The following TNNI3K variants were observed in gnomAD, a reference collection of about 807,000 sequenced individuals.
TNNI3K encodes TNNI3 interacting kinase.
Under a neutral mutation model 114.5 loss-of-function variants are expected in TNNI3K, and 140 were observed. The ratio of observed to expected loss-of-function variants is 1.22; its 90% CI spans 1.07 to 1.41. The LOEUF is 1.41. TNNI3K is among the 40% of genes most tolerant of loss of function. TNNI3K has a pLI of 0.00. For synonymous variants in TNNI3K, 347 were observed against 347.5 expected (o/e 1.00, Z 0.02); for missense variants, 1,125 against 1,007.6 (o/e 1.12, Z -1.58).
intron 6 of TNNI3K, among the ~76,000 whole-genome samples, chr1:74,333,582 C>T (rs769442909): frequency 3.9e-4 from 60 of 152,140 alleles, no homozygotes; most frequent in Non-Finnish European, 7.2e-4. Context: ...ATGTGGATGG[C>T]CTTTTTATGA....
chr1:74,540,190 A>G (rs1646709298), intron 23 of TNNI3K, 44 bp from the exon 24 acceptor site: 1 of 1,593,026 alleles, frequency 6.3e-7, no homozygotes, highest in African/African-American at 1.4e-5. Flanking sequence ...AAATGTTATT[A>G]TCAGATCACC....
At chr1:74,516,279 T>A (rs1199174876) in intron 23 of TNNI3K, among the ~76,000 whole-genome samples, 2 of 152,220 alleles carry the variant, frequency 1.3e-5, no homozygotes, top group African/African-American at 4.8e-5. Flanking sequence ...GTTTGTTCAC[T>A]CATCTGCTCA....
intron 23 of TNNI3K, among the ~76,000 whole-genome samples, chr1:74,511,819 G>T (rs549989473): frequency 6.6e-6 from 1 of 152,136 alleles, no homozygotes; most frequent in Admixed American, 6.5e-5. Context: ...GAGAAAGGAA[G>T]AAAGAGTGTA....
At chr1:74,320,260 C>T (rs538530385) in intron 5 of TNNI3K, among the ~76,000 whole-genome samples, 1 of 152,062 alleles carries the variant, frequency 6.6e-6, no homozygotes. Flanking sequence ...GATGTGTGTT[C>T]TTCATTTTGA....
chr1:74,411,423 T>C (rs114788567), intron 17 of TNNI3K, among the ~76,000 whole-genome samples: 1 of 152,212 alleles, frequency 6.6e-6, no homozygotes, highest in Non-Finnish European at 1.5e-5. Flanking sequence ...CAATTAGAAA[T>C]TTTTATATAC....
At chr1:74,323,969 G>A (rs1339088389) in intron 5 of TNNI3K, among the ~76,000 whole-genome samples, 1 of 152,118 alleles carries the variant, frequency 6.6e-6, no homozygotes, top group Admixed American at 6.5e-5. Flanking sequence ...GTGGTGTCAA[G>A]CAATCTAAGG....
chr1:74,517,285 A>C (rs1646363688), intron 23 of TNNI3K, among the ~76,000 whole-genome samples: 1 of 152,222 alleles, frequency 6.6e-6, no homozygotes, highest in African/African-American at 2.4e-5. Flanking sequence ...ATAGTAAATC[A>C]ATGCCTCATT....
At chr1:74,483,220 G>T (rs1407999845) in intron 21 of TNNI3K, 1 of 714,314 alleles carries the variant, frequency 1.4e-6, no homozygotes, top group Non-Finnish European at 2.6e-6. Context: ...CAATTTTCCA[G>T]GTACACTGAG....
Position 74,463,539 on chromosome 1 carries a change from G to T in TNNI3K, c.2110G>T (p.Ala704Ser), listed in dbSNP as rs142979318. 19 of 1,614,190 alleles carry T rather than the reference G, an allele frequency of 1.2e-5. No individual in the cohort carries two copies. In the South Asian group the frequency reaches 2.1e-4, roughly 18 times the overall value. ...ISSLLIRGWN[A>S]CPEGRPEFSE... is the part of the protein sequence containing the mutation. ...ATCTCTGCTGATACGAGGGTGGAAC[G>T]CATGTCCTGAAGTGAGTAATTTTTA... Residue 704 changes from alanine to serine, a missense_variant, in exon 21 of 25, where the codon GCA becomes TCA. Transcript: ENST00000326637.
rs534955318 is a variant in TNNI3K, at chr1:74,331,991, A to G, written c.543+443A>G. ...TATAGCTGTGATGATGCTAATGGCAATAACAATAAAACAACTCATAAAGGC... is the reference window on the plus strand; with the variant it reads ...TATAGCTGTGATGATGCTAATGGCAGTAACAATAAAACAACTCATAAAGGC... On this transcript the variant is annotated intron_variant, in intron 6 of 24. Transcript: ENST00000326637. Among the ~76,000 whole-genome samples the G allele has an allele frequency of 5.3e-5, 8 of 152,304 alleles. 1 individual carries two copies. In the South Asian group the frequency reaches 1.7e-3, roughly 32 times the overall value.
rs1301200333 is a variant in TNNI3K at position 74,543,901 on chromosome 1, T to G, written c.2432-5T>G. The G allele has an allele frequency of 4.3e-6, 7 of 1,613,454 alleles. No homozygotes were observed. The African/African-American group carries it at 8.0e-5, about 18-fold the overall frequency. ...AGTAACAACTGAACTTCTTTTCTGATGCAGGCTATGTATCCGATCCCATGA... is the reference window on the plus strand; with the variant it reads ...AGTAACAACTGAACTTCTTTTCTGAGGCAGGCTATGTATCCGATCCCATGA... On this transcript the variant is annotated splice_polypyrimidine_tract_variant and splice_region_variant and intron_variant, in intron 24 of 24. Transcript: ENST00000326637.
At chr1:74,451,484 CACAAACTTACTAAATTT>C (rs1224808490) in intron 20 of TNNI3K, among the ~76,000 whole-genome samples, 3 of 151,860 alleles carry the variant, frequency 2.0e-5, no homozygotes, top group Non-Finnish European at 4.4e-5. Flanking sequence ...TCTAGTACCC[CACAAACTTACTAAATTT>C]ACTTCTCCAT....
At chr1:74,486,447 T>C (rs1668768300) in intron 21 of TNNI3K, among the ~76,000 whole-genome samples, 1 of 151,848 alleles carries the variant, frequency 6.6e-6, no homozygotes, top group South Asian at 2.1e-4. Context: ...TATATAAGAG[T>C]AAAGTATGAT....
intron 5 of TNNI3K, among the ~76,000 whole-genome samples, chr1:74,327,674 T>C (rs930831641): frequency 6.9e-6 from 1 of 145,898 alleles, no homozygotes; most frequent in Non-Finnish European, 1.5e-5. Flanking sequence ...TATTATTAAA[T>C]ATAATCATAT....
intron 5 of TNNI3K, among the ~76,000 whole-genome samples, chr1:74,304,425 G>A (rs890013321): frequency 6.6e-6 from 1 of 152,058 alleles, no homozygotes; most frequent in Non-Finnish European, 1.5e-5. Flanking sequence ...AAATTTTTTA[G>A]CAATAAAGTG....
intron 23 of TNNI3K, 114 bp from the exon 24 acceptor site, chr1:74,540,120 T>G: frequency 9.1e-7 from 1 of 1,103,394 alleles, no homozygotes; most frequent in South Asian, 1.7e-5. Context: ...AAAAGCTGCT[T>G]TGTATCACTT....
chr1:74,525,887 G>T (rs1646498392), intron 23 of TNNI3K, among the ~76,000 whole-genome samples: 1 of 152,174 alleles, frequency 6.6e-6, no homozygotes, highest in South Asian at 2.1e-4. Flanking sequence ...CACATTACTG[G>T]CAAGAGAAGA....
At chr1:74,324,153 C>G (rs1252665668) in intron 5 of TNNI3K, among the ~76,000 whole-genome samples, 1 of 152,210 alleles carries the variant, frequency 6.6e-6, no homozygotes, top group Non-Finnish European at 1.5e-5. Context: ...TGGCAGATAG[C>G]CAAATACCTA....
intron 5 of TNNI3K, among the ~76,000 whole-genome samples, chr1:74,274,467 T>C (rs903451935): frequency 3.3e-5 from 5 of 151,990 alleles, no homozygotes; most frequent in African/African-American, 1.2e-4. Context: ...TCATTTAACA[T>C]TTTTTCAGCC....
Sources: gnomAD v4.1 joint callset for allele counts (sites outside exome capture counted in the v4.1 genomes callset) on GRCh38, gnomAD v4.1.1 for gene constraint, MANE v1.5 for transcripts, NCBI Gene and HGNC (gene_info 2026-07-23, HGNC 2026-07-21) for gene names.